The following KSR1 variants were observed in gnomAD, a reference collection of about 807,000 sequenced individuals.
The protein encoded by KSR1 is kinase suppressor of ras 1, also known as kinase suppressor of ras.
KSR1 carries 35 observed loss-of-function variants against 92.9 expected under a neutral mutation model. That is an observed-to-expected ratio of 0.38 (90% confidence interval 0.29 to 0.50). KSR1 has a LOEUF of 0.50. Ranked by LOEUF, KSR1 falls within the 20% of genes least tolerant of loss-of-function variation. The pLI is 0.94. For synonymous variants in KSR1, 467 were observed against 472.6 expected, an observed-to-expected ratio of 0.99 and a Z score of 0.15; for missense variants, 972 against 1,158.5, an observed-to-expected ratio of 0.84 and a Z score of 2.34.
chr17:27,581,352 T>C (rs1295394984), intron 3 of KSR1, among the ~76,000 whole-genome samples: 1 of 152,156 alleles, frequency 6.6e-6, no homozygotes, highest in African/African-American at 2.4e-5. Context: ...TTTAAAGTTC[T>C]TAGCAAGACA....
chr17:27,623,775 G>C lies in KSR1; in HGVS notation c.*383G>C. The C allele has an allele frequency of 1.8e-6, 1 of 545,222 alleles. No individual in the cohort carries two copies. Among genetic ancestry groups the C allele is most frequent in the Non-Finnish European group, 3.2e-6 (1 of 315,758 alleles). 33.8% of individuals were successfully genotyped at this position (545,222 alleles called of 1,614,324 possible). On this transcript the variant is annotated 3_prime_UTR_variant, in exon 21 of 21. Transcript: ENST00000644974. ...GTAGGCGGTGAGGGACCCATGCTGG[G>C]CCAGAAGGAAGACAAACATGGTAAT...
chr17:27,507,083 G>C (rs1223057261), intron 1 of KSR1, among the ~76,000 whole-genome samples: 1 of 152,232 alleles, frequency 6.6e-6, no homozygotes, highest in African/African-American at 2.4e-5. Flanking sequence ...CCTAGTCGGG[G>C]TGTGCAGTGT....
chr17:27,580,080 A>C (rs2151161941), intron 3 of KSR1, among the ~76,000 whole-genome samples: 1 of 152,124 alleles, frequency 6.6e-6, no homozygotes, highest in East Asian at 1.9e-4. Flanking sequence ...TGCACACATC[A>C]AGACCCACTG....
chr17:27,618,185 C>T (rs1433944333), intron 19 of KSR1, among the ~76,000 whole-genome samples: 1 of 152,098 alleles, frequency 6.6e-6, no homozygotes, highest in East Asian at 1.9e-4. Flanking sequence ...TTATGGGGAC[C>T]ACAGTCACTT....
At position 27,480,989 on chromosome 17, in the gene KSR1, T is replaced by G. The variant is rs570080900; in HGVS notation, c.231+24115T>G. Reference sequence around the variant, plus strand: ...TTTCAGTAACACTCTGATGTCATTTTACAAAACAAAACTACCTTTGATGGA... The same window carrying G: ...TTTCAGTAACACTCTGATGTCATTTGACAAAACAAAACTACCTTTGATGGA... On this transcript the variant is annotated intron_variant, in intron 1 of 20. Transcript: ENST00000644974. 7.2e-5 allele frequency among the ~76,000 whole-genome samples: 11 copies of G among 152,362 alleles called. No individual in the cohort carries two copies. The East Asian group carries it at 1.9e-3, about 27-fold the overall frequency.
At chr17:27,510,009 G>A (rs1009577994) in intron 1 of KSR1, among the ~76,000 whole-genome samples, 30 of 152,342 alleles carry the variant, frequency 2.0e-4, no homozygotes, top group African/African-American at 6.7e-4. Context: ...TTGGGGGCCT[G>A]AGGAGGGTAG....
intron 1 of KSR1, among the ~76,000 whole-genome samples, chr17:27,521,838 T>G (rs1304692926): frequency 6.6e-6 from 1 of 152,202 alleles, no homozygotes; most frequent in Non-Finnish European, 1.5e-5. Flanking sequence ...CTCTCATGGC[T>G]ATGGGAAAGG....
chr17:27,595,750 G>A (rs1024736668), intron 9 of KSR1, among the ~76,000 whole-genome samples: 2 of 151,198 alleles, frequency 1.3e-5, no homozygotes, highest in Admixed American at 1.3e-4. Flanking sequence ...CCCTTCCCAG[G>A]CCTGTCTGGT....
Position 27,583,088 on chromosome 17 carries a change from T to C in KSR1, c.963T>C (p.Asp321=), listed in dbSNP as rs749375294. Reference sequence around the variant, plus strand: ...AGTCTCAGCTGGGGAACCGCATTGATGACGTCTCCTCGATGAGGTGAGTGC... The same window carrying C: ...AGTCTCAGCTGGGGAACCGCATTGACGACGTCTCCTCGATGAGGTGAGTGC... ...SHESQLGNRI[D]DVSSMRFDLS... is the part of the protein sequence containing the mutation. Residue 321 remains aspartate, a synonymous_variant, in exon 4 of 21, where the codon GAT becomes GAC. Coordinates refer to ENST00000644974, the MANE Select transcript of KSR1 (RefSeq NM_001394583.1). The C allele has an allele frequency of 1.3e-6, 2 of 1,568,984 alleles. No homozygotes were observed. The highest frequency in any genetic ancestry group is 1.8e-5 in the Admixed American group (1 of 56,048).
chr17:27,476,377 G>T (rs759047505), intron 1 of KSR1, among the ~76,000 whole-genome samples: 13 of 152,240 alleles, frequency 8.5e-5, no homozygotes, highest in Non-Finnish European at 1.9e-4. Context: ...AGAGAACTCA[G>T]GGGTAGAGCT....
rs769958237 is a variant in KSR1 at position 27,623,322 on chromosome 17, G to A, written c.2717G>A (p.Ser906Asn). 1.6e-5 allele frequency: 12 copies of A among 764,886 alleles called. No individual in the cohort carries two copies. Among genetic ancestry groups the A allele is most frequent in the Non-Finnish European group, 1.9e-5 (8 of 417,798 alleles). The allele number at this position is 764,886 out of a possible 1,614,324, so 47.4% of individuals were successfully genotyped here. A position where few individuals can be genotyped will look rare whatever the true frequency, so the allele number is the denominator to read the frequency against. Reference sequence around the variant, plus strand: ...TTTGTTCCTCTTTGCAGCATTAACAGCAGCAAAGTTGTACCCCGGTTTGAA... The same window carrying A: ...TTTGTTCCTCTTTGCAGCATTAACAACAGCAAAGTTGTACCCCGGTTTGAA... Reference protein sequence around the residue: ...SCPILEEYINSSKVVPRFERF... With the variant: ...SCPILEEYINNSKVVPRFERF... Residue 906 changes from serine to asparagine, a missense_variant, in exon 21 of 21, where the codon AGC (serine) becomes AAC (asparagine). Physicochemically the swap from Ser to Asn is conservative, Grantham distance 46 (BLOSUM62 1). Transcript: ENST00000644974.
At chr17:27,487,830 G>C (rs2150955791) in intron 1 of KSR1, among the ~76,000 whole-genome samples, 1 of 152,146 alleles carries the variant, frequency 6.6e-6, no homozygotes, top group African/African-American at 2.4e-5. Flanking sequence ...GAGAGGAGGA[G>C]GTACCAGGCT....
chr17:27,589,094 C>T lies in KSR1; in HGVS notation c.1046+559C>T, dbSNP rs1384003458. 2.0e-5 allele frequency among the ~76,000 whole-genome samples: 3 copies of T among 152,334 alleles called. No individual in the cohort carries two copies. In the East Asian group the frequency reaches 5.8e-4, roughly 29 times the overall value. On this transcript the variant is annotated intron_variant, in intron 6 of 20. Coordinates refer to ENST00000644974, the MANE Select transcript of KSR1 (RefSeq NM_001394583.1). ...GGATCGCAACTCCTTAAAAGGCACG[C>T]CATGCAGTTTGGCGTCCCCTGCCAC... is the stretch of plus-strand genomic sequence containing the variant.
At chr17:27,600,596 C>T (rs1273447606) in intron 10 of KSR1, among the ~76,000 whole-genome samples, 3 of 152,110 alleles carry the variant, frequency 2.0e-5, no homozygotes, top group Admixed American at 6.5e-5. Context: ...CTTGTAGTTC[C>T]GTGGATTATT....
intron 18 of KSR1, among the ~76,000 whole-genome samples, chr17:27,616,398 A>G (rs1306900059): frequency 2.6e-5 from 4 of 152,136 alleles, no homozygotes. Context: ...CAGTTCAGAA[A>G]TTATATTTTC....
At chr17:27,580,747 C>T (rs1228397689) in intron 3 of KSR1, among the ~76,000 whole-genome samples, 1 of 152,056 alleles carries the variant, frequency 6.6e-6, no homozygotes, top group African/African-American at 2.4e-5. Context: ...GTGCGTCAGT[C>T]CCTTCTCACA....
At chr17:27,512,137 CT>C (rs1186655087) in intron 1 of KSR1, among the ~76,000 whole-genome samples, 4 of 152,210 alleles carry the variant, frequency 2.6e-5, no homozygotes, top group African/African-American at 9.7e-5. Flanking sequence ...AAATTCCCTG[CT>C]CTTTCTCCCT....
chr17:27,533,341 T>C (rs2070622436), intron 1 of KSR1, among the ~76,000 whole-genome samples: 1 of 151,700 alleles, frequency 6.6e-6, no homozygotes, highest in African/African-American at 2.4e-5. Flanking sequence ...GATACCAAAA[T>C]CCACAGATTC....
rs1455379776 is a variant in KSR1, at chr17:27,582,703, G to T, written c.578G>T (p.Gly193Val). 5 of 1,613,640 alleles carry T rather than the reference G, an allele frequency of 3.1e-6. No homozygotes were observed. In the African/African-American group the frequency reaches 5.3e-5, roughly 17 times the overall value. ...TCATTGGATGCGCGGCGGGAAAGTGGCTCAGGGCCTTCCACGGACACCCTC... is the reference window on the plus strand; with the variant it reads ...TCATTGGATGCGCGGCGGGAAAGTGTCTCAGGGCCTTCCACGGACACCCTC... ...WSSLDARRES[G>V]SGPSTDTLSA... The change falls in exon 4 of 21, where the codon GGC becomes GTC. Residue 193 changes from glycine to valine, a missense_variant. By Grantham distance (109) the Gly-to-Val change is moderately radical (BLOSUM62 -3). This residue lies in a region of KSR1 where 611 missense variants were observed against 668.0 expected (regional missense o/e 0.91). Coordinates refer to ENST00000644974, the MANE Select transcript of KSR1 (RefSeq NM_001394583.1).
Sources: gnomAD v4.1 joint callset for allele counts (sites outside exome capture counted in the v4.1 genomes callset) on GRCh38, gnomAD v4.1.1 for gene constraint, gnomAD v4.1.1 regional missense constraint, MANE v1.5 for transcripts, NCBI Gene and HGNC (gene_info 2026-07-23, HGNC 2026-07-21) for gene names.